The following ASTN2 variants were observed in gnomAD, a reference collection of about 807,000 sequenced individuals.
ASTN2 encodes the protein astrotactin-2.
A neutral mutation model predicts 139.8 loss-of-function variants in ASTN2; 54 were observed. The observed-to-expected ratio is 0.39, with a 90% CI of 0.31 to 0.48. The LOEUF (loss-of-function observed/expected upper bound fraction) is 0.48, where lower values mean the gene tolerates loss of function less well. Ranked by LOEUF, ASTN2 falls within the 20% of genes least tolerant of loss-of-function variation. The probability of loss-of-function intolerance (pLI) is 0.95; values close to 1 mark genes in which losing one functional copy is unlikely to be tolerated. For missense variants in ASTN2, 1,565 were observed against 1,725.1 expected (o/e 0.91, Z 1.64); for synonymous variants, 756 against 719.5 (o/e 1.05, Z -0.81).
At chr9:117,087,519 C>T (rs901074855) in intron 5 of ASTN2, among the ~76,000 whole-genome samples, 1 of 152,138 alleles carries the variant, frequency 6.6e-6, no homozygotes, top group Admixed American at 6.5e-5. Flanking sequence ...TGAGCCACTG[C>T]GCCTGGTCAC....
At chr9:116,573,648 TTG>T (rs1334652728) in intron 19 of ASTN2, among the ~76,000 whole-genome samples, 18 of 152,232 alleles carry the variant, frequency 1.2e-4, no homozygotes, top group African/African-American at 4.3e-4. Flanking sequence ...GCTTTTGCTT[TTG>T]TGTGTTTGTT....
chr9:116,505,469 C>A (rs1202853841), intron 19 of ASTN2, among the ~76,000 whole-genome samples: 1 of 152,228 alleles, frequency 6.6e-6, no homozygotes, highest in Admixed American at 6.5e-5. Context: ...AAGTCTGCCA[C>A]AATATGCAAA....
intron 11 of ASTN2, among the ~76,000 whole-genome samples, chr9:116,837,577 T>C (rs945775388): frequency 6.6e-6 from 1 of 152,240 alleles, no homozygotes; most frequent in Non-Finnish European, 1.5e-5. Flanking sequence ...CTGTTTGTAA[T>C]TATGCATTTT....
chr9:116,824,919 A>T (rs1215646601), intron 11 of ASTN2, among the ~76,000 whole-genome samples: 1 of 152,222 alleles, frequency 6.6e-6, no homozygotes, highest in Non-Finnish European at 1.5e-5. Flanking sequence ...GGGAAAATAA[A>T]AACTCTGCAA....
chr9:117,396,818 G>A (rs1283236137), intron 1 of ASTN2, among the ~76,000 whole-genome samples: 1 of 152,004 alleles, frequency 6.6e-6, no homozygotes, highest in Admixed American at 6.6e-5. Context: ...TGCCCGTCTT[G>A]GTCTCCCAAA....
intron 19 of ASTN2, among the ~76,000 whole-genome samples, chr9:116,547,038 A>G (rs933854575): frequency 1.3e-5 from 2 of 152,204 alleles, no homozygotes; most frequent in African/African-American, 4.8e-5. Context: ...ATATTTATCT[A>G]GCAGCTTTCA....
intron 19 of ASTN2, among the ~76,000 whole-genome samples, chr9:116,557,828 T>C (rs41305463): frequency 0.16 from 24,144 of 152,172 alleles, 2,081 homozygotes; most frequent in African/African-American, 0.21. Context: ...TACAAACAAA[T>C]AAAACTTCAT....
At chr9:117,405,759 G>A (rs2130970130) in intron 1 of ASTN2, among the ~76,000 whole-genome samples, 1 of 152,300 alleles carries the variant, frequency 6.6e-6, no homozygotes, top group African/African-American at 2.4e-5. Context: ...TCATTTCCCT[G>A]AAACTTGTAT....
chr9:116,948,541 T>C (rs10817966), intron 10 of ASTN2, among the ~76,000 whole-genome samples: 114,106 of 151,804 alleles, frequency 0.75, 43,270 homozygotes, highest in Admixed American at 0.84. Flanking sequence ...TCAGCCATTT[T>C]TCCCAGGAGC....
At chr9:116,712,564 G>A (rs918634634) in intron 16 of ASTN2, among the ~76,000 whole-genome samples, 1 of 152,146 alleles carries the variant, frequency 6.6e-6, no homozygotes, top group African/African-American at 2.4e-5. Flanking sequence ...AGCATCAGCT[G>A]GTTATGCCAC....
intron 3 of ASTN2, chr9:117,180,886 C>A: frequency 6.3e-7 from 1 of 1,586,700 alleles, no homozygotes; most frequent in African/African-American, 1.3e-5. Context: ...GAACTTGGCC[C>A]TGCGCAGGGC....
chr9:116,448,721 G>T (rs775530415), intron 20 of ASTN2, among the ~76,000 whole-genome samples: 1 of 152,314 alleles, frequency 6.6e-6, no homozygotes, highest in Non-Finnish European at 1.5e-5. Flanking sequence ...TATCTTGTGG[G>T]ATTGTGAGAA....
At chr9:116,511,637 C>A (rs1020022405) in intron 19 of ASTN2, among the ~76,000 whole-genome samples, 4 of 152,060 alleles carry the variant, frequency 2.6e-5, no homozygotes, top group Non-Finnish European at 4.4e-5. Flanking sequence ...AGGTACTGGA[C>A]TTTTTTTGGT....
intron 11 of ASTN2, among the ~76,000 whole-genome samples, chr9:116,835,700 G>T (rs1831965684): frequency 6.6e-6 from 1 of 152,152 alleles, no homozygotes; most frequent in East Asian, 1.9e-4. Flanking sequence ...GACCTTCTGA[G>T]GGCTGTGTCA....
intron 10 of ASTN2, among the ~76,000 whole-genome samples, chr9:116,925,236 C>T (rs1834721853): frequency 6.6e-6 from 1 of 152,192 alleles, no homozygotes; most frequent in African/African-American, 2.4e-5. Flanking sequence ...CCACCACTAC[C>T]ATCATCATAT....
At chr9:116,512,573 C>T (rs1288386636) in intron 19 of ASTN2, among the ~76,000 whole-genome samples, 1 of 152,078 alleles carries the variant, frequency 6.6e-6, no homozygotes, top group African/African-American at 2.4e-5. Context: ...CTTTCTGTCT[C>T]GTTGATCTGT....
chr9:117,219,105 G>A (rs1409725190), intron 2 of ASTN2, among the ~76,000 whole-genome samples: 2 of 152,160 alleles, frequency 1.3e-5, no homozygotes, highest in Non-Finnish European at 2.9e-5. Flanking sequence ...AGAACCATCT[G>A]GCTGCTTCTG....
At chr9:117,041,510 A>G (rs1034306074) in intron 5 of ASTN2, among the ~76,000 whole-genome samples, 3 of 152,120 alleles carry the variant, frequency 2.0e-5, no homozygotes, top group Admixed American at 2.0e-4. Flanking sequence ...AGAGTTGTGT[A>G]GTGCTATTTA....
intron 3 of ASTN2, among the ~76,000 whole-genome samples, chr9:117,179,444 C>G (rs1831001472): frequency 6.6e-6 from 1 of 152,026 alleles, no homozygotes. Context: ...CATGGTGAAC[C>G]AGTCTCCAAG....
Sources: gnomAD v4.1 joint callset for allele counts (sites outside exome capture counted in the v4.1 genomes callset) on GRCh38, gnomAD v4.1.1 for gene constraint, MANE v1.5 for transcripts, NCBI Gene and HGNC (gene_info 2026-07-23, HGNC 2026-07-21) for gene names.